The following MED12 variants were observed in gnomAD, a reference collection of about 807,000 sequenced individuals.
The protein encoded by MED12 is mediator complex subunit 12.
In MED12, 10 loss-of-function variants were observed where a neutral mutation model predicts 177.7. The ratio of observed to expected loss-of-function variants is 0.06; its 90% CI spans 0.03 to 0.10. The LOEUF (loss-of-function observed/expected upper bound fraction) is 0.10. MED12 is among the 10% of genes least tolerant of loss of function. MED12 has a pLI of 1.00. For missense variants in MED12, 867 were observed against 1,780.8 expected (o/e 0.49, Z 9.23); for synonymous variants, 641 against 678.4 (o/e 0.94, Z 0.86).
Position 71,121,564 on chromosome X carries a change from C to T in MED12, c.849C>T (p.Tyr283=), listed in dbSNP as rs750832089. The part of the protein sequence containing the change: ...LKLLLPLLLR[Y]SGEFVQSAYL... ...CTCTGATGGTCGTGTCTTCACAGTACTCTGGGGAATTTGTTCAGTCTGCAT... is the reference window on the plus strand; with the variant it reads ...CTCTGATGGTCGTGTCTTCACAGTATTCTGGGGAATTTGTTCAGTCTGCAT... Residue 283 remains tyrosine (Y), a splice_region_variant and synonymous_variant, in exon 7 of 45, where the codon TAC becomes TAT. Transcript: ENST00000374080. 1.1e-5 allele frequency: 13 copies of T among 1,211,509 alleles called. No homozygotes were observed. In the South Asian group the frequency reaches 2.1e-4, roughly 20 times the overall value.
Position 71,126,433 on chromosome X carries a change from C to T in MED12, c.2634C>T (p.Asp878=). 8.3e-7 allele frequency: 1 copy of T among 1,212,121 alleles called. No homozygotes were observed. The highest frequency in any genetic ancestry group is 2.3e-4 in the Middle Eastern group (1 of 4,354). Residue 878 remains aspartate (D), a synonymous_variant, in exon 19 of 45, where the codon GAC becomes GAT. Coordinates refer to ENST00000374080, the MANE Select transcript of MED12 (RefSeq NM_005120.3). ...PLVQHVQFIF[D]LMEYSLSISG... ...TGCAGCATGTGCAGTTCATCTTCGA[C>T]CTCATGGAATATTCACTCAGCATCA...
chrX:71,127,207 CT>C (rs2092305391), intron 20 of MED12, 75 bp downstream of exon 20: 4 of 1,146,103 alleles, frequency 3.5e-6, no homozygotes, highest in Non-Finnish European at 4.7e-6. Flanking sequence ...AGAGCATGCA[CT>C]TCCTCACACT....
At position 71,137,584 on chromosome X, in the gene MED12, A is replaced by G. The variant is rs376753995; in HGVS notation, c.5775A>G (p.Ser1925=). 117 of 1,207,891 alleles carry G rather than the reference A, an allele frequency of 9.7e-5. No individual in the cohort carries two copies. The highest frequency in any genetic ancestry group is 1.3e-4 in the Non-Finnish European group (112 of 893,904). Residue 1925 remains serine, a synonymous_variant, in exon 40 of 45, where the codon TCA becomes TCG. Coordinates refer to ENST00000374080, the MANE Select transcript of MED12 (RefSeq NM_005120.3). The part of the protein sequence containing the change: ...LQQSQGMLGQ[S]SVHQMTPSSS... The stretch of plus-strand genomic sequence containing the variant: ...AGAGTCAGGGCATGTTGGGACAGTC[A>G]TCTGTCCATCAGATGACTCCCAGCT...
chrX:71,136,364 C>T lies in MED12; in HGVS notation c.5109C>T (p.Gly1703=), dbSNP rs781134410. 19 of 1,209,759 alleles carry T rather than the reference C, an allele frequency of 1.6e-5. No homozygotes were observed. The South Asian group carries it at 3.0e-4, about 19-fold the overall frequency. The change falls in exon 37 of 45, where the codon GGC becomes GGT. Residue 1703 remains glycine (G), a synonymous_variant. Coordinates refer to ENST00000374080, the MANE Select transcript of MED12 (RefSeq NM_005120.3). ...GLKPSAPLSW[G]WFGTVRVDRR... is the part of the protein sequence containing the mutation. ...AGCCGTCAGCACCACTCTCTTGGGGCTGGTTTGGAACAGTCCGAGTGGACC... is the reference window on the plus strand; with the variant it reads ...AGCCGTCAGCACCACTCTCTTGGGGTTGGTTTGGAACAGTCCGAGTGGACC...
intron 29 of MED12, 37 bp downstream of exon 29, chrX:71,131,658 C>T (rs768690502): frequency 8.5e-7 from 1 of 1,170,714 alleles, no homozygotes; most frequent in South Asian, 1.8e-5. Flanking sequence ...CCTGTGCTCA[C>T]GTTCAGCTCC....
At chrX:71,133,022 T>C (rs2092322661) in intron 32 of MED12, 66 bp downstream of exon 32, 1 of 1,056,055 alleles carries the variant, frequency 9.5e-7, no homozygotes, top group African/African-American at 1.8e-5. Context: ...GGGGTTACTC[T>C]GTACTTGGAA....
intron 12 of MED12, 149 bp from the exon 13 acceptor site, chrX:71,124,010 A>T (rs963895424): frequency 3.7e-6 from 2 of 546,811 alleles, no homozygotes; most frequent in Non-Finnish European, 6.3e-6. Flanking sequence ...GTGGGACAGC[A>T]TGTGGGGTAA....
intron 4 of MED12, 136 bp downstream of exon 4, chrX:71,120,306 G>A: frequency 1.5e-6 from 1 of 671,457 alleles, no homozygotes; most frequent in East Asian, 3.3e-5. Flanking sequence ...AGTAAACACT[G>A]AGAAATTTGA....
chrX:71,122,849 T>G lies in MED12; in HGVS notation c.1460T>G (p.Leu487Trp). 8.3e-7 allele frequency: 1 copy of G among 1,211,540 alleles called. No individual in the cohort carries two copies. Among genetic ancestry groups the G allele is most frequent in the Non-Finnish European group, 1.1e-6 (1 of 895,291 alleles). Residue 487 changes from leucine to tryptophan, a missense_variant, in exon 10 of 45, where the codon TTG becomes TGG. Leu to Trp is a moderately conservative substitution (Grantham distance 61, BLOSUM62 -2). This residue lies in a region of MED12 where 309 missense variants were observed against 556.3 expected (regional missense o/e 0.56). Coordinates refer to ENST00000374080, the MANE Select transcript of MED12 (RefSeq NM_005120.3). The part of the protein sequence containing the change: ...LDSLCNRIFG[L>W]GPSKDGHEIS... ...TCCCTTTGTAACCGAATCTTTGGAT[T>G]GGGACCTAGCAAGGATGGGCATGAG... is the stretch of plus-strand genomic sequence containing the variant.
chrX:71,131,687 C>A (rs368709892), intron 29 of MED12, 66 bp downstream of exon 29: 6 of 1,073,863 alleles, frequency 5.6e-6, no homozygotes, highest in African/African-American at 5.4e-5. Flanking sequence ...GGGAGGCGGT[C>A]CACCACAGAA....
Position 71,124,933 on chromosome X carries a change from A to T in MED12, c.2056-43A>T, listed in dbSNP as rs781136650. 8.3e-6 allele frequency: 10 copies of T among 1,202,470 alleles called. No individual in the cohort carries two copies. The South Asian group carries it at 1.8e-4, about 21-fold the overall frequency. ...GGCATGTTTTTTTGCCCCCTCATCC[A>T]CTTTCCTTCTTCTCATGTTCTGCTT... On this transcript the variant is annotated intron_variant, in intron 14 of 44. Coordinates refer to ENST00000374080, the MANE Select transcript of MED12 (RefSeq NM_005120.3).
chrX:71,139,963 T>G (rs766460135), intron 41 of MED12, among the ~76,000 whole-genome samples: 9 of 111,101 alleles, frequency 8.1e-5, no homozygotes, highest in African/African-American at 2.9e-4. Flanking sequence ...TATACACATG[T>G]GGTAGAACAA....
Position 71,126,170 on chromosome X carries a change from C to A in MED12, c.2541+16C>A, listed in dbSNP as rs1366887701. Reference sequence around the variant, plus strand: ...CACGGCTCAGGTGTGGGCCTAAGCCCAGCCCCTTTCCCACATTCTGGCCTC... The same window carrying A: ...CACGGCTCAGGTGTGGGCCTAAGCCAAGCCCCTTTCCCACATTCTGGCCTC... On this transcript the variant is annotated intron_variant, in intron 18 of 44. Transcript: ENST00000374080. 1.7e-6 allele frequency: 2 copies of A among 1,175,981 alleles called. No homozygotes were observed. Among genetic ancestry groups the A allele is most frequent in the South Asian group, 3.6e-5 (2 of 56,218 alleles).
intron 28 of MED12, 140 bp from the exon 29 acceptor site, chrX:71,131,410 G>A: frequency 1.8e-6 from 1 of 561,945 alleles, no homozygotes; most frequent in South Asian, 2.4e-5. Flanking sequence ...CTTTCTTAAA[G>A]ATGGGGACAT....
rs2092281235 is a variant in MED12 at position 71,118,712 on chromosome X, A to C, written c.-43A>C. The C allele has an allele frequency of 2.6e-6, 3 of 1,150,005 alleles. No individual in the cohort carries two copies. The highest frequency in any genetic ancestry group is 3.5e-6 in the Non-Finnish European group (3 of 851,528). The allele number at this position is 1,150,005 out of a possible 1,213,427, so 94.8% of individuals were successfully genotyped here. A position where few individuals can be genotyped will look rare whatever the true frequency, so the allele number is the denominator to read the frequency against. Reference sequence around the variant, plus strand: ...TCTCCCCCTTCCCGTTCCCCCAGTCAGCCTGGCCCTGCTGGTGCCTCCGGC... The same window carrying C: ...TCTCCCCCTTCCCGTTCCCCCAGTCCGCCTGGCCCTGCTGGTGCCTCCGGC... On this transcript the variant is annotated 5_prime_UTR_variant, in exon 1 of 45. Transcript: ENST00000374080.
rs769827044 is a variant in MED12 at position 71,125,392 on chromosome X, A to G, written c.2268A>G (p.Val756=). ...ATGAGTGCAACCAGCGGTTGGTCGT[A>G]CTGTTTGGGGTGGGAAAGCAGCGAG... ...CSHECNQRLV[V]LFGVGKQRDD... The change falls in exon 16 of 45, where the codon GTA becomes GTG. Residue 756 remains valine, a synonymous_variant. Transcript: ENST00000374080. The G allele has an allele frequency of 8.3e-7, 1 of 1,208,317 alleles. No individual in the cohort carries two copies. The highest frequency in any genetic ancestry group is 3.0e-5 in the East Asian group (1 of 33,693).
chrX:71,137,211 G>T lies in MED12; in HGVS notation c.5576G>T (p.Arg1859Leu), dbSNP rs763700798. 1 of 1,210,073 alleles carries T rather than the reference G, an allele frequency of 8.3e-7. No homozygotes were observed. Among genetic ancestry groups the T allele is most frequent in the Non-Finnish European group, 1.1e-6 (1 of 895,211 alleles). ...GGTGGCCCTCGTGTGGACCCATACC[G>T]TCCTGTGCGCTTACCAATGCAGAAG... The part of the protein sequence containing the change: ...PAGGPRVDPY[R>L]PVRLPMQKLP... Residue 1859 changes from arginine (R) to leucine (L), a missense_variant, in exon 39 of 45, where the codon CGT becomes CTT. Physicochemically the swap from Arg to Leu is moderately radical, Grantham distance 102. Transcript: ENST00000374080.
chrX:71,138,056 A>G (rs1327237733), intron 41 of MED12, 113 bp downstream of exon 41: 5 of 728,670 alleles, frequency 6.9e-6, no homozygotes, highest in Non-Finnish European at 8.4e-6. Flanking sequence ...CGGAGACATC[A>G]AGAATACTTA....
In MED12 at chrX:71,134,338, C is replaced by T; in HGVS notation, c.4618-19C>T. On this transcript the variant is annotated intron_variant, in intron 33 of 44. Transcript: ENST00000374080. The stretch of plus-strand genomic sequence containing the variant: ...CTTTGTCCCTGAGCCATCTGACTGA[C>T]TTGTTGTGGCCCTGGCAGGTGGGGG... The T allele has an allele frequency of 9.7e-7, 1 of 1,034,554 alleles. No individual in the cohort carries two copies. Among genetic ancestry groups the T allele is most frequent in the Non-Finnish European group, 1.3e-6 (1 of 751,995 alleles). The allele number at this position is 1,034,554 out of a possible 1,213,427, so 85.3% of individuals were successfully genotyped here.
Sources: gnomAD v4.1 joint callset for allele counts (sites outside exome capture counted in the v4.1 genomes callset) on GRCh38, gnomAD v4.1.1 for gene constraint, gnomAD v4.1.1 regional missense constraint, MANE v1.5 for transcripts, NCBI Gene and HGNC (gene_info 2026-07-23, HGNC 2026-07-21) for gene names.